Variants in XKR6 observed in about 807,000 individuals in gnomAD.
XKR6 encodes XK-related protein 6.
XKR6 carries 22 observed loss-of-function variants against 56.7 expected under a neutral mutation model. The ratio of observed to expected loss-of-function variants is 0.39; its 90% CI spans 0.28 to 0.55. XKR6 has a LOEUF of 0.55. XKR6 is among the 20% of genes least tolerant of loss of function. XKR6 has a pLI of 0.66. For missense variants in XKR6, 852 were observed against 889.0 expected (o/e 0.96, Z 0.53); for synonymous variants, 524 against 387.8 (o/e 1.35, Z -4.13).
At chr8:11,134,287 C>T (rs932537376) in intron 1 of XKR6, among the ~76,000 whole-genome samples, 6 of 152,312 alleles carry the variant, frequency 3.9e-5, no homozygotes, top group East Asian at 3.9e-4. Context: ...TTTCCATACC[C>T]TATCCCAATG....
At chr8:11,120,365 A>G (rs1437799907) in intron 1 of XKR6, among the ~76,000 whole-genome samples, 1 of 152,230 alleles carries the variant, frequency 6.6e-6, no homozygotes, top group Non-Finnish European at 1.5e-5. Flanking sequence ...AATGCGCAAA[A>G]ATCACAAGCA....
At chr8:10,950,266 C>A (rs767599412) in intron 1 of XKR6, among the ~76,000 whole-genome samples, 1 of 152,218 alleles carries the variant, frequency 6.6e-6, no homozygotes, top group African/African-American at 2.4e-5. Context: ...GTGCTCCCAG[C>A]CCCCGGCCTC....
intron 1 of XKR6, among the ~76,000 whole-genome samples, chr8:10,967,714 T>C (rs1802268165): frequency 6.6e-6 from 1 of 152,172 alleles, no homozygotes; most frequent in Non-Finnish European, 1.5e-5. Flanking sequence ...AGCCTCTGCA[T>C]TCAGCAGCAA....
At chr8:10,995,194 A>C (rs1798081849) in intron 1 of XKR6, among the ~76,000 whole-genome samples, 1 of 152,020 alleles carries the variant, frequency 6.6e-6, no homozygotes, top group East Asian at 1.9e-4. Context: ...GGCAGGAGAT[A>C]GGAAAAATCC....
intron 2 of XKR6, among the ~76,000 whole-genome samples, chr8:10,911,642 A>G (rs1241114014): frequency 6.8e-6 from 1 of 147,978 alleles, no homozygotes; most frequent in Non-Finnish European, 1.5e-5. Context: ...GTGAGTATAT[A>G]TATATAGAAT....
intron 1 of XKR6, chr8:11,137,569 A>T (rs73665003): frequency 0.011 from 5,039 of 456,232 alleles, 207 homozygotes; most frequent in African/African-American, 0.088. Context: ...GAAGAAAAAG[A>T]CAGCAGGGAG....
intron 1 of XKR6, among the ~76,000 whole-genome samples, chr8:10,939,665 G>A (rs1033899632): frequency 3.3e-5 from 5 of 152,360 alleles, no homozygotes; most frequent in South Asian, 4.1e-4. Context: ...AGGCTGGTTC[G>A]TAAAGCTTCC....
intron 1 of XKR6, among the ~76,000 whole-genome samples, chr8:11,077,127 T>G (rs1800294530): frequency 6.6e-6 from 1 of 152,106 alleles, no homozygotes; most frequent in Admixed American, 6.6e-5. Context: ...CAGTGAGCCA[T>G]GATCACACCA....
chr8:11,033,642 C>G (rs1483812887), intron 1 of XKR6, among the ~76,000 whole-genome samples: 1 of 152,172 alleles, frequency 6.6e-6, no homozygotes, highest in African/African-American at 2.4e-5. Flanking sequence ...TGCTTCCCTT[C>G]ATTGCTCTAC....
chr8:11,098,193 G>C (rs1273319438), intron 1 of XKR6, among the ~76,000 whole-genome samples: 1 of 151,728 alleles, frequency 6.6e-6, no homozygotes, highest in Non-Finnish European at 1.5e-5. Flanking sequence ...AATTGAACTA[G>C]ATCCCCAGGT....
chr8:11,006,808 C>T (rs73196885), intron 1 of XKR6, among the ~76,000 whole-genome samples: 40,185 of 152,136 alleles, frequency 0.26, 6,210 homozygotes, highest in Middle Eastern at 0.36. Context: ...CTGTGGCTGC[C>T]GCTGCAGGTT....
intron 1 of XKR6, among the ~76,000 whole-genome samples, chr8:10,945,287 C>T (rs1801501699): frequency 6.6e-6 from 1 of 152,320 alleles, no homozygotes; most frequent in South Asian, 2.1e-4. Context: ...AGTTCGACAC[C>T]AGCCTGGTCA....
chr8:11,131,997 A>G (rs1359971574), intron 1 of XKR6, among the ~76,000 whole-genome samples: 2 of 152,072 alleles, frequency 1.3e-5, no homozygotes, highest in African/African-American at 4.8e-5. Flanking sequence ...TTTTTCCCCT[A>G]GTGCTGCTGG....
intron 1 of XKR6, among the ~76,000 whole-genome samples, chr8:10,952,598 C>A (rs1284856759): frequency 1.3e-5 from 2 of 152,240 alleles, no homozygotes; most frequent in Admixed American, 6.5e-5. Context: ...GGACCACAGA[C>A]ACGTGCCACC....
intron 1 of XKR6, among the ~76,000 whole-genome samples, chr8:11,091,413 G>A (rs758114802): frequency 7.0e-6 from 1 of 143,254 alleles, no homozygotes; most frequent in Non-Finnish European, 1.5e-5. Flanking sequence ...CTCCAGTCTG[G>A]GCAACAGAAT....
intron 1 of XKR6, chr8:11,105,671 T>A (rs982181722): frequency 6.6e-6 from 1 of 152,224 alleles, no homozygotes; most frequent in Non-Finnish European, 1.5e-5. Flanking sequence ...CAAAATTTAC[T>A]TAGTAAAATT....
At chr8:10,982,881 A>T (rs115540389) in intron 1 of XKR6, among the ~76,000 whole-genome samples, 3,529 of 152,278 alleles carry the variant, frequency 0.023, 125 homozygotes, top group African/African-American at 0.079. Context: ...AGGCTGAACC[A>T]AGGGCACCAG....
At chr8:11,067,556 C>A (rs1480121028) in intron 1 of XKR6, among the ~76,000 whole-genome samples, 1 of 152,198 alleles carries the variant, frequency 6.6e-6, no homozygotes, top group Non-Finnish European at 1.5e-5. Context: ...TAGACATGGG[C>A]CAAGCGATAA....
At chr8:10,941,186 G>A (rs1174767517) in intron 1 of XKR6, among the ~76,000 whole-genome samples, 1 of 151,946 alleles carries the variant, frequency 6.6e-6, no homozygotes, top group Non-Finnish European at 1.5e-5. Context: ...CTTCCTCCGG[G>A]TTCACAGCCT....
Sources: allele counts gnomAD v4.1 joint callset (sites outside exome capture counted in the v4.1 genomes callset), GRCh38; gene constraint gnomAD v4.1.1; transcripts MANE v1.5; gene names NCBI Gene and HGNC (gene_info 2026-07-23, HGNC 2026-07-21).